NHSL2: variants seen among roughly 807,000 people sequenced by gnomAD.
The protein encoded by NHSL2 is NHS like 2.
Under a neutral mutation model 53.4 loss-of-function variants are expected in NHSL2, and 27 were observed. That is an observed-to-expected ratio of 0.51 (90% CI 0.37 to 0.70). The LOEUF (loss-of-function observed/expected upper bound fraction) is 0.70, where lower values mean the gene tolerates loss of function less well. NHSL2 is among the 30% of genes least tolerant of loss of function. The pLI is 0.00. For synonymous variants in NHSL2, 408 were observed against 404.1 expected (o/e 1.01, Z -0.12); for missense variants, 892 against 980.1 (o/e 0.91, Z 1.20).
intron 1 of NHSL2, among the ~76,000 whole-genome samples, chrX:71,967,779 T>A (rs1306370520): frequency 9.0e-6 from 1 of 111,534 alleles, no homozygotes; most frequent in Non-Finnish European, 1.9e-5. Flanking sequence ...GTTTTCCTAC[T>A]CCAGTACTGA....
chrX:72,148,763 A>G lies in NHSL2; in HGVS notation c.*5189A>G, dbSNP rs1190492432. 6 of 110,024 alleles carry G rather than the reference A, an allele frequency of 5.5e-5. No individual in the cohort carries two copies. The highest frequency in any genetic ancestry group is 3.9e-4 in the South Asian group (1 of 2,536). The allele number at this position is 110,024 out of a possible 1,213,427, so 9.1% of individuals were successfully genotyped here. Reference sequence around the variant, plus strand: ...TCAGTAAAGCCCAAAATCTAGGCCAATGGTTCTCAAAGTGCAGTTCCAGGA... The same window carrying G: ...TCAGTAAAGCCCAAAATCTAGGCCAGTGGTTCTCAAAGTGCAGTTCCAGGA... On this transcript the variant is annotated 3_prime_UTR_variant, in exon 8 of 8. Transcript: ENST00000633930.
At position 71,911,169 on chromosome X, in the gene NHSL2, G is replaced by A; in HGVS notation, c.82G>A (p.Val28Met). 1 of 1,132,646 alleles carries A rather than the reference G, an allele frequency of 8.8e-7. No homozygotes were observed. Among genetic ancestry groups the A allele is most frequent in the Non-Finnish European group, 1.2e-6 (1 of 860,623 alleles). The allele number at this position is 1,132,646 out of a possible 1,213,427, so 93.3% of individuals were successfully genotyped here. A position where few individuals can be genotyped will look rare whatever the true frequency, so the allele number is the denominator to read the frequency against. ...GCAGCAGCTGGCGGAGCTCCGCGAC[G>A]TGAGCCACCTGGCAGCGCTCAGCCT... Reference protein sequence around the residue: ...PPQQLAELRDVSHLAALSLLR... With the variant: ...PPQQLAELRDMSHLAALSLLR... Residue 28 changes from valine (V) to methionine (M), a missense_variant, in exon 1 of 8, where the codon GTG becomes ATG. By Grantham distance (21) the Val-to-Met change is conservative (BLOSUM62 1). Coordinates refer to ENST00000633930, the MANE Select transcript of NHSL2 (RefSeq NM_001013627.3).
intron 1 of NHSL2, among the ~76,000 whole-genome samples, chrX:72,126,770 C>T (rs2042230230): frequency 8.9e-6 from 1 of 111,963 alleles, no homozygotes; most frequent in South Asian, 3.7e-4. Context: ...TGCCAAAAAG[C>T]GGAAGGGCCC....
rs199842624 is a variant in NHSL2 at position 72,048,064 on chromosome X, C to CATGATG, written c.281-84012_281-84007dup. Among the ~76,000 whole-genome samples the CATGATG allele has an allele frequency of 5.1e-4, 24 of 46,720 alleles. 1 individual carries two copies. Among genetic ancestry groups the CATGATG allele is most frequent in the African/African-American group, 1.5e-3 (24 of 15,962 alleles). The allele number at this position is 46,720 out of a possible 115,157, so 40.6% of individuals were successfully genotyped here. A position where few individuals can be genotyped will look rare whatever the true frequency, so the allele number is the denominator to read the frequency against. ...TGCCCTTAACTGTGCCTTTCACACTCATGATGATAACAATAATAATAATAA... is the reference window on the plus strand; with the variant it reads ...TGCCCTTAACTGTGCCTTTCACACTCATGATGATGATGATAACAATAATAATAATAA... On this transcript the variant is annotated intron_variant, in intron 1 of 7. Coordinates refer to ENST00000633930, the MANE Select transcript of NHSL2 (RefSeq NM_001013627.3).
Position 71,918,358 on chromosome X carries a change from G to GA in NHSL2, c.280+6993dup, listed in dbSNP as rs1472818222. 2.7e-3 allele frequency among the ~76,000 whole-genome samples: 274 copies of GA among 100,987 alleles called. 2 individuals carry two copies. The highest frequency in any genetic ancestry group is 0.011 in the African/African-American group (263 of 24,480). The allele number at this position is 100,987 out of a possible 115,157, so 87.7% of individuals were successfully genotyped here. A position where few individuals can be genotyped will look rare whatever the true frequency, so the allele number is the denominator to read the frequency against. Reference sequence around the variant, plus strand: ...CTGTAATTCATCAAGGGGAAAATCAGAATTTTTTTTTTTTTTTTAAAATGG... The same window carrying GA: ...CTGTAATTCATCAAGGGGAAAATCAGAAATTTTTTTTTTTTTTTTAAAATGG... On this transcript the variant is annotated intron_variant, in intron 1 of 7. Transcript: ENST00000633930.
At chrX:72,068,702 G>A (rs991736289) in intron 1 of NHSL2, among the ~76,000 whole-genome samples, 2 of 110,613 alleles carry the variant, frequency 1.8e-5, no homozygotes, top group African/African-American at 3.3e-5. Flanking sequence ...GAGAGAGAGC[G>A]CATGTATTTG....
intron 1 of NHSL2, among the ~76,000 whole-genome samples, chrX:72,050,357 T>C (rs1409476049): frequency 1.8e-5 from 2 of 111,856 alleles, no homozygotes; most frequent in South Asian, 3.8e-4. Flanking sequence ...TTTTTCTTGA[T>C]TGTGGCTGTG....
intron 2 of NHSL2, chrX:72,133,830 G>T: frequency 3.5e-6 from 1 of 287,773 alleles, no homozygotes; most frequent in Non-Finnish European, 6.1e-6. Context: ...CTCAAGGTGG[G>T]GATCATTGAG....
At chrX:71,957,615 C>T (rs1296450880) in intron 1 of NHSL2, among the ~76,000 whole-genome samples, 1 of 111,083 alleles carries the variant, frequency 9.0e-6, no homozygotes, top group Non-Finnish European at 1.9e-5. Flanking sequence ...CTTTCCCTGC[C>T]CTTTTTTTCA....
At chrX:72,064,742 C>G (rs997886163) in intron 1 of NHSL2, among the ~76,000 whole-genome samples, 7 of 112,567 alleles carry the variant, frequency 6.2e-5, no homozygotes, top group Non-Finnish European at 9.4e-5. Flanking sequence ...TGTCTCCTCC[C>G]CTGGTGTGCC....
intron 1 of NHSL2, among the ~76,000 whole-genome samples, chrX:71,990,945 G>A (rs756884284): frequency 8.9e-6 from 1 of 112,663 alleles, no homozygotes; most frequent in Admixed American, 9.3e-5. Flanking sequence ...TGACAGGACA[G>A]GAGAGTGTCT....
At position 72,077,344 on chromosome X, in the gene NHSL2, T is replaced by C. The variant is rs772902851; in HGVS notation, c.281-54735T>C. ...CACCATAACCGTCTTCCTGGCTGGC[T>C]TGGGGGATGGGAGCTGTCTGCCCAG... On this transcript the variant is annotated intron_variant, in intron 1 of 7. Coordinates refer to ENST00000633930, the MANE Select transcript of NHSL2 (RefSeq NM_001013627.3). 4.5e-5 allele frequency among the ~76,000 whole-genome samples: 5 copies of C among 110,601 alleles called. No homozygotes were observed. The East Asian group carries it at 1.4e-3, about 31-fold the overall frequency.
At chrX:72,063,782 C>T (rs2042412540) in intron 1 of NHSL2, among the ~76,000 whole-genome samples, 1 of 110,663 alleles carries the variant, frequency 9.0e-6, no homozygotes, top group Non-Finnish European at 1.9e-5. Context: ...ATACTATCAC[C>T]TCACATACCA....
At chrX:72,104,262 T>C (rs1047978534) in intron 1 of NHSL2, among the ~76,000 whole-genome samples, 1 of 112,656 alleles carries the variant, frequency 8.9e-6, no homozygotes, top group Non-Finnish European at 1.9e-5. Context: ...CTCATGTTAC[T>C]TAATGTGTTA....
intron 1 of NHSL2, among the ~76,000 whole-genome samples, chrX:71,970,666 T>C (rs975251103): frequency 9.0e-6 from 1 of 111,098 alleles, no homozygotes. Context: ...TTGGTTTCTT[T>C]AATTTTCTCT....
At chrX:71,929,360 A>G (rs1262206254) in intron 1 of NHSL2, among the ~76,000 whole-genome samples, 1 of 112,577 alleles carries the variant, frequency 8.9e-6, no homozygotes, top group East Asian at 2.8e-4. Context: ...ACCTTCAACA[A>G]CTGTCATATG....
At chrX:71,996,651 G>A (rs1272141576) in intron 1 of NHSL2, among the ~76,000 whole-genome samples, 1 of 112,351 alleles carries the variant, frequency 8.9e-6, no homozygotes, top group Non-Finnish European at 1.9e-5. Flanking sequence ...TTTCAGAGGA[G>A]AACATTGAGT....
In NHSL2 at chrX:72,150,271, T is replaced by G. The variant is rs1226553004; in HGVS notation, c.*6697T>G. 8.9e-6 allele frequency: 1 copy of G among 112,385 alleles called. No homozygotes were observed. Among genetic ancestry groups the G allele is most frequent in the Admixed American group, 9.5e-5 (1 of 10,569 alleles). The allele number at this position is 112,385 out of a possible 1,213,427, so 9.3% of individuals were successfully genotyped here. On this transcript the variant is annotated 3_prime_UTR_variant, in exon 8 of 8. Coordinates refer to ENST00000633930, the MANE Select transcript of NHSL2 (RefSeq NM_001013627.3). ...TATCATTTTTTAGAGGTAAACTTCCTATGTAAGGGAACCTTCTGGTGACTT... is the reference window on the plus strand; with the variant it reads ...TATCATTTTTTAGAGGTAAACTTCCGATGTAAGGGAACCTTCTGGTGACTT...
intron 1 of NHSL2, among the ~76,000 whole-genome samples, chrX:72,053,794 T>G (rs2042353668): frequency 8.9e-6 from 1 of 111,749 alleles, no homozygotes; most frequent in Non-Finnish European, 1.9e-5. Context: ...CTCCTCATTT[T>G]GGGGTCCACT....
Sources: allele counts gnomAD v4.1 joint callset (sites outside exome capture counted in the v4.1 genomes callset), GRCh38; gene constraint gnomAD v4.1.1; transcripts MANE v1.5; gene names NCBI Gene and HGNC (gene_info 2026-07-23, HGNC 2026-07-21).